The following TNRC6A variants were observed in gnomAD, a reference collection of about 807,000 sequenced individuals.
TNRC6A encodes the protein trinucleotide repeat-containing gene 6A protein.
A neutral mutation model predicts 221.2 loss-of-function variants in TNRC6A; 44 were observed. That is an observed-to-expected ratio of 0.20 (90% confidence interval 0.16 to 0.26). The LOEUF (loss-of-function observed/expected upper bound fraction) is 0.26. Ranked by LOEUF, TNRC6A falls within the 10% of genes least tolerant of loss-of-function variation. The pLI, the probability that TNRC6A is intolerant of heterozygous loss-of-function variation, is 1.00. For synonymous variants in TNRC6A, 847 were observed against 838.5 expected, an observed-to-expected ratio of 1.01 and a Z score of -0.18; for missense variants, 2,199 against 2,404.4, an observed-to-expected ratio of 0.91 and a Z score of 1.79.
chr16:24,641,355 A>G (rs1431548574), intron 2 of TNRC6A, among the ~76,000 whole-genome samples: 2 of 152,124 alleles, frequency 1.3e-5, no homozygotes, highest in Admixed American at 6.6e-5. Context: ...ATCAATGGCC[A>G]CTTGCAGAGG....
chr16:24,823,545 G>T lies in TNRC6A; in HGVS notation c.5627G>T (p.Gly1876Val). 2 of 1,614,138 alleles carry T rather than the reference G, an allele frequency of 1.2e-6. No homozygotes were observed. The highest frequency in any genetic ancestry group is 1.7e-6 in the Non-Finnish European group (2 of 1,180,008). Residue 1876 changes from glycine to valine, a missense_variant, in exon 25 of 25, where the codon GGG becomes GTG. Gly to Val is a moderately radical substitution (Grantham distance 109). Around this residue, in one of 8 missense-constraint regions of TNRC6A, gnomAD observed 130 missense variants for 121.7 expected, o/e 1.07. Transcript: ENST00000395799. The surrounding 1 kb of genome is among the most constrained non-coding windows in gnomAD (Gnocchi z 4.3). ...CCTTCTCCCGGCTGGCAGTCTCTCG[G>T]GTCCAGCCAGAGCCGGCTGGGCTCC... ...LTPSPGWQSL[G>V]SSQSRLGSLD...
At chr16:24,766,463 C>T (rs917691567) in intron 4 of TNRC6A, among the ~76,000 whole-genome samples, 1 of 152,064 alleles carries the variant, frequency 6.6e-6, no homozygotes, top group Non-Finnish European at 1.5e-5. Flanking sequence ...CAGGGTTCCT[C>T]CATACCCAGA....
chr16:24,763,375 T>G (rs1311865745), intron 4 of TNRC6A, among the ~76,000 whole-genome samples: 1 of 152,218 alleles, frequency 6.6e-6, no homozygotes, highest in Admixed American at 6.5e-5. Flanking sequence ...TGTTGACCAG[T>G]ACATTTGTTA....
chr16:24,736,165 G>A (rs543905936), intron 2 of TNRC6A, among the ~76,000 whole-genome samples: 2 of 152,204 alleles, frequency 1.3e-5, no homozygotes, highest in Non-Finnish European at 2.9e-5. Flanking sequence ...GCAAAACTCT[G>A]TCTCAAATAA....
At chr16:24,740,427 C>T (rs1283114133) in intron 2 of TNRC6A, among the ~76,000 whole-genome samples, 1 of 152,092 alleles carries the variant, frequency 6.6e-6, no homozygotes, top group East Asian at 1.9e-4. Context: ...TTAAGTCTTC[C>T]AGTTCACGAA....
intron 8 of TNRC6A, chr16:24,795,683 T>G: frequency 2.4e-6 from 1 of 418,944 alleles, no homozygotes; most frequent in Non-Finnish European, 4.3e-6. Context: ...CCTTGCCATA[T>G]AGCTTATGAA....
intron 1 of TNRC6A, among the ~76,000 whole-genome samples, chr16:24,637,311 G>C (rs372363637): frequency 1.8e-4 from 27 of 152,252 alleles, no homozygotes; most frequent in African/African-American, 6.5e-4. Flanking sequence ...GGGATTACAA[G>C]CGTGAGCCAT....
At chr16:24,626,855 T>G (rs932312939) in intron 1 of TNRC6A, among the ~76,000 whole-genome samples, 12 of 151,774 alleles carry the variant, frequency 7.9e-5, no homozygotes, top group African/African-American at 2.7e-4. Context: ...GGTTTCACCA[T>G]GTTAGCCAGG....
chr16:24,692,385 A>G (rs556967085), intron 2 of TNRC6A, among the ~76,000 whole-genome samples: 2 of 152,282 alleles, frequency 1.3e-5, no homozygotes, highest in South Asian at 4.1e-4. Flanking sequence ...AGCCTGGTCA[A>G]CATGGTGAAA....
intron 2 of TNRC6A, among the ~76,000 whole-genome samples, chr16:24,741,674 C>A (rs890270809): frequency 1.3e-5 from 2 of 152,164 alleles, no homozygotes; most frequent in African/African-American, 4.8e-5. Context: ...CCACCTAATT[C>A]TGCATTGTAC....
chr16:24,724,260 CTGTTT>C (rs2056457544), intron 2 of TNRC6A, among the ~76,000 whole-genome samples: 1 of 151,646 alleles, frequency 6.6e-6, no homozygotes, highest in African/African-American at 2.4e-5. Flanking sequence ...GTTTGTTTGT[CTGTTT>C]TATCATTTAC....
intron 3 of TNRC6A, among the ~76,000 whole-genome samples, chr16:24,757,392 T>C (rs1398244416): frequency 6.6e-6 from 1 of 152,272 alleles, no homozygotes; most frequent in African/African-American, 2.4e-5. Flanking sequence ...AAATGAATTA[T>C]GCCCCATGGC....
intron 3 of TNRC6A, 49 bp downstream of exon 3, chr16:24,750,862 A>T (rs80118350): frequency 7.3e-6 from 9 of 1,227,526 alleles, no homozygotes; most frequent in Admixed American, 3.5e-5. Flanking sequence ...ACATAGAATT[A>T]AAAAAAAATT....
At chr16:24,749,478 G>A (rs1484518234) in intron 2 of TNRC6A, among the ~76,000 whole-genome samples, 1 of 152,142 alleles carries the variant, frequency 6.6e-6, no homozygotes, top group Admixed American at 6.5e-5. Flanking sequence ...GGCTGTGTAG[G>A]CATCTGGATG....
At position 24,790,447 on chromosome 16, in the gene TNRC6A, G is replaced by A. The variant is rs2058074534; in HGVS notation, c.1805G>A (p.Gly602Glu). ...TCTGGAGGAAGTCGAAGAGGATGGG[G>A]AACCCCTGCACAAAACACTGGCACT... ...ANSGGSRRGW[G>E]TPAQNTGTNL... is the part of the protein sequence containing the mutation. Residue 602 changes from glycine (G) to glutamate (E), a missense_variant, in exon 6 of 25, where the codon GGA becomes GAA. Gly to Glu is a moderately conservative substitution (Grantham distance 98). Coordinates refer to ENST00000395799, the MANE Select transcript of TNRC6A (RefSeq NM_014494.4). 3.1e-6 allele frequency: 5 copies of A among 1,614,098 alleles called. No homozygotes were observed. The highest frequency in any genetic ancestry group is 3.4e-6 in the Non-Finnish European group (4 of 1,180,054).
rs2058771211 is a variant in TNRC6A at position 24,821,802 on chromosome 16, CA to C, written c.5303-270del. The C allele has an allele frequency of 1.0e-5, 5 of 482,150 alleles. 1 individual carries two copies. The South Asian group carries it at 1.6e-4, about 15-fold the overall frequency. 29.9% of individuals were successfully genotyped at this position (482,150 alleles called of 1,614,324 possible). A position where few individuals can be genotyped will look rare whatever the true frequency, so the allele number is the denominator to read the frequency against. On this transcript the variant is annotated intron_variant, in intron 22 of 24. Transcript: ENST00000395799. ...TTAGCTCCTATCAATGAGAAGATCT[CA>C]AAAAGATGCAGCCTTTTGTGGCTCA...
intron 2 of TNRC6A, among the ~76,000 whole-genome samples, chr16:24,744,977 G>A (rs2056972136): frequency 6.6e-6 from 1 of 152,034 alleles, no homozygotes; most frequent in Non-Finnish European, 1.5e-5. Context: ...TCACATCAGG[G>A]TGTAGAGGAG....
At chr16:24,818,520 C>G in intron 20 of TNRC6A, 73 bp from the exon 21 acceptor site, 1 of 1,187,368 alleles carries the variant, frequency 8.4e-7, no homozygotes, top group African/African-American at 1.5e-5. Flanking sequence ...TTTGATTTCT[C>G]TGGAAGCTTT....
intron 2 of TNRC6A, among the ~76,000 whole-genome samples, chr16:24,648,447 T>G (rs556358188): frequency 2.3e-4 from 35 of 151,958 alleles, no homozygotes; most frequent in Admixed American, 2.3e-3. Context: ...ATTTTTTGTA[T>G]TTTTAGTAGA....
Sources: gnomAD v4.1 joint callset for allele counts (sites outside exome capture counted in the v4.1 genomes callset) on GRCh38, gnomAD v4.1.1 for gene constraint, gnomAD v4.1.1 regional missense constraint, Gnocchi (gnomAD v3.1) non-coding constraint, MANE v1.5 for transcripts, NCBI Gene and HGNC (gene_info 2026-07-23, HGNC 2026-07-21) for gene names.